ELAPOR1: variants seen among roughly 807,000 people sequenced by gnomAD.
ELAPOR1 encodes endosome-lysosome associated apoptosis and autophagy regulator 1, also known as endosome/lysosome-associated apoptosis and autophagy regulator 1.
Under a neutral mutation model 119.7 loss-of-function variants are expected in ELAPOR1, and 77 were observed. The ratio of observed to expected loss-of-function variants is 0.64; its 90% CI spans 0.54 to 0.78. The LOEUF is 0.78. ELAPOR1 is among the 30% of genes least tolerant of loss of function. ELAPOR1 has a pLI of 0.00. For synonymous variants in ELAPOR1, 481 were observed against 487.2 expected (o/e 0.99, Z 0.17); for missense variants, 1,115 against 1,270.4 (o/e 0.88, Z 1.86).
intron 1 of ELAPOR1, among the ~76,000 whole-genome samples, chr1:109,125,989 C>T (rs898727027): frequency 6.6e-6 from 1 of 152,242 alleles, no homozygotes; most frequent in Admixed American, 6.5e-5. Context: ...AGCCTCCTCT[C>T]TTCTCTTTCA....
rs201035296 is a variant in ELAPOR1 at position 109,194,378 on chromosome 1, C to T, written c.1948-43C>T. 3.9e-5 allele frequency: 62 copies of T among 1,579,274 alleles called. No individual in the cohort carries two copies. The African/African-American group carries it at 7.5e-4, about 19-fold the overall frequency. ...TACTCTTGGCTGCAGGCCCTCAAGG[C>T]CCTTCCTGACCAGCTGGCCCGACCC... On this transcript the variant is annotated intron_variant, in intron 14 of 21. Transcript: ENST00000369939.
chr1:109,200,027 A>G, intron 19 of ELAPOR1, 32 bp from the exon 20 acceptor site: 1 of 1,613,196 alleles, frequency 6.2e-7, no homozygotes, highest in Non-Finnish European at 8.5e-7. Flanking sequence ...AGGGAATGGG[A>G]GATCTGAGTT....
intron 2 of ELAPOR1, among the ~76,000 whole-genome samples, chr1:109,164,121 T>C (rs533820934): frequency 1.3e-5 from 2 of 152,254 alleles, no homozygotes; most frequent in South Asian, 4.1e-4. Flanking sequence ...TTTTAGAATA[T>C]TCACAGCAAC....
rs944515298 is a variant in ELAPOR1 at position 109,172,493 on chromosome 1, G to C, written c.621G>C (p.Gln207His). 6.2e-7 allele frequency: 1 copy of C among 1,613,120 alleles called. No individual in the cohort carries two copies. The change falls in exon 5 of 22, where the codon CAG becomes CAC. Residue 207 changes from glutamine (Q) to histidine (H), a missense_variant. Physicochemically the swap from Gln to His is conservative, Grantham distance 24 (BLOSUM62 0). Coordinates refer to ENST00000369939, the MANE Select transcript of ELAPOR1 (RefSeq NM_020775.5). Reference sequence around the variant, plus strand: ...CCAAACTCTTTTTATGTCAGGTTCAGAATGACCAGTGCCAGCCCAATGCAG... The same window carrying C: ...CCAAACTCTTTTTATGTCAGGTTCACAATGACCAGTGCCAGCCCAATGCAG... ...DSSIIFEFFV[Q>H]NDQCQPNADD...
intron 7 of ELAPOR1, among the ~76,000 whole-genome samples, chr1:109,180,476 G>A (rs651325): frequency 0.96 from 145,406 of 152,018 alleles, 69,878 homozygotes; most frequent in Middle Eastern, 1. Flanking sequence ...ATTGCACTCC[G>A]GCCTGGGCAT....
At chr1:109,201,249 G>A in intron 21 of ELAPOR1, 3 of 457,798 alleles carry the variant, frequency 6.6e-6, no homozygotes, top group South Asian at 3.1e-5. Context: ...AAGGGAAAAG[G>A]TGATCTCTGG....
At chr1:109,157,970 C>A (rs1650984353) in intron 1 of ELAPOR1, among the ~76,000 whole-genome samples, 1 of 152,174 alleles carries the variant, frequency 6.6e-6, no homozygotes, top group Non-Finnish European at 1.5e-5. Flanking sequence ...TCACTGCAGC[C>A]TCAACCTCCC....
At chr1:109,177,239 C>T (rs1259561553) in intron 7 of ELAPOR1, among the ~76,000 whole-genome samples, 7 of 131,914 alleles carry the variant, frequency 5.3e-5, no homozygotes, top group African/African-American at 1.5e-4. Context: ...GGGGGGCTGA[C>T]CCCCCCACCT....
chr1:109,197,078 G>A (rs1017942416), intron 15 of ELAPOR1, among the ~76,000 whole-genome samples: 1 of 151,202 alleles, frequency 6.6e-6, no homozygotes, highest in Non-Finnish European at 1.5e-5. Context: ...GAGGCAGGAA[G>A]ATTGCTTGAG....
intron 1 of ELAPOR1, among the ~76,000 whole-genome samples, chr1:109,155,237 C>T (rs913005846): frequency 1.3e-5 from 2 of 152,232 alleles, no homozygotes; most frequent in South Asian, 4.2e-4. Context: ...AGTGCAGTGG[C>T]GCATCTCTGC....
intron 3 of ELAPOR1, among the ~76,000 whole-genome samples, chr1:109,171,272 G>A (rs1651905145): frequency 1.3e-5 from 2 of 152,098 alleles, no homozygotes; most frequent in South Asian, 2.1e-4. Context: ...CCCTGACTAG[G>A]CGCAGTGGCT....
intron 1 of ELAPOR1, among the ~76,000 whole-genome samples, chr1:109,144,061 A>ATATATATATATATTTTTTTTTTTTTTT: frequency 2.2e-5 from 2 of 89,018 alleles, no homozygotes; most frequent in African/African-American, 9.6e-5. Context: ...ATATTTATAT[A>ATATATATATATATTTTTTTTTTTTTTT]TTTTTTTTTT....
At chr1:109,165,912 ATT>A (rs561158580) in intron 3 of ELAPOR1, among the ~76,000 whole-genome samples, 1 of 138,444 alleles carries the variant, frequency 7.2e-6, no homozygotes, top group Non-Finnish European at 1.6e-5. Context: ...TGCCCGGCTA[ATT>A]TTTTTTTTTT....
Position 109,161,932 on chromosome 1 carries a change from G to A in ELAPOR1, c.192G>A (p.Thr64=), listed in dbSNP as rs374524337. The A allele has an allele frequency of 1.3e-5, 21 of 1,613,890 alleles. No individual in the cohort carries two copies. Among genetic ancestry groups the A allele is most frequent in the African/African-American group, 4.0e-5 (3 of 74,918 alleles). The change falls in exon 2 of 22, where the codon ACG becomes ACA. Residue 64 remains threonine (T), a synonymous_variant. Coordinates refer to ENST00000369939, the MANE Select transcript of ELAPOR1 (RefSeq NM_020775.5). ...YHYEYTACDS[T]GSRWRVAVPH... ...ATGAGTACACGGCGTGTGACAGCAC[G>A]GGTTCCAGGTGGAGGGTCGCCGTGC...
chr1:109,172,027 C>T lies in ELAPOR1; in HGVS notation c.615+14C>T. The T allele has an allele frequency of 6.2e-7, 1 of 1,614,080 alleles. No homozygotes were observed. The highest frequency in any genetic ancestry group is 2.2e-5 in the East Asian group (1 of 44,888). On this transcript the variant is annotated intron_variant, in intron 4 of 21. Coordinates refer to ENST00000369939, the MANE Select transcript of ELAPOR1 (RefSeq NM_020775.5). ...TTTGAGTTTTTCGTAAGCCCCTGGC[C>T]AAGGTGGAGGGTGGGAGCTAAAAAG...
intron 17 of ELAPOR1, 25 bp downstream of exon 17, chr1:109,198,100 G>A (rs1277032871): frequency 6.4e-7 from 1 of 1,569,778 alleles, no homozygotes; most frequent in East Asian, 2.2e-5. Flanking sequence ...CTAGGCTAAT[G>A]CAAGTGAAAC....
intron 3 of ELAPOR1, among the ~76,000 whole-genome samples, chr1:109,165,836 C>G (rs1244200321): frequency 1.3e-5 from 2 of 151,378 alleles, no homozygotes; most frequent in Non-Finnish European, 2.9e-5. Flanking sequence ...GCCCCAGCTC[C>G]CAGGTTCAAG....
intron 1 of ELAPOR1, among the ~76,000 whole-genome samples, chr1:109,139,668 G>T (rs913911844): frequency 6.6e-6 from 1 of 152,126 alleles, no homozygotes; most frequent in African/African-American, 2.4e-5. Context: ...AAGCTAGGGA[G>T]CATTCAATAA....
chr1:109,148,571 G>A (rs1371764852), intron 1 of ELAPOR1, among the ~76,000 whole-genome samples: 1 of 152,224 alleles, frequency 6.6e-6, no homozygotes, highest in East Asian at 1.9e-4. Context: ...TATTGCAGCT[G>A]CTCATATCTA....
Sources: gnomAD v4.1 joint callset for allele counts (sites outside exome capture counted in the v4.1 genomes callset) on GRCh38, gnomAD v4.1.1 for gene constraint, MANE v1.5 for transcripts, NCBI Gene and HGNC (gene_info 2026-07-23, HGNC 2026-07-21) for gene names.